Variants in FUBP1 observed in about 807,000 individuals in gnomAD.
FUBP1 encodes the protein far upstream element binding protein 1, also known as far upstream element-binding protein 1.
FUBP1 carries 16 observed loss-of-function variants against 94.9 expected under a neutral mutation model. The observed-to-expected ratio is 0.17, with a 90% CI of 0.11 to 0.26. The LOEUF (loss-of-function observed/expected upper bound fraction) is 0.26, where lower values mean the gene tolerates loss of function less well. Among genes scored for constraint, FUBP1 ranks in the 10% least tolerant of loss-of-function variants. The pLI, the probability that FUBP1 is intolerant of heterozygous loss-of-function variation, is 1.00. For synonymous variants in FUBP1, 279 were observed against 254.9 expected (o/e 1.09, Z -0.90); for missense variants, 583 against 808.6 (o/e 0.72, Z 3.38).
chr1:77,972,064 A>G (rs1018289229), intron 1 of FUBP1, among the ~76,000 whole-genome samples: 1 of 151,680 alleles, frequency 6.6e-6, no homozygotes, highest in African/African-American at 2.4e-5. Context: ...TTCTTTAACC[A>G]TCTTTCACTT....
intron 2 of FUBP1, among the ~76,000 whole-genome samples, chr1:77,968,490 C>T (rs926259053): frequency 5.3e-5 from 8 of 151,904 alleles, no homozygotes; most frequent in East Asian, 1.9e-4. Flanking sequence ...CACAAGACAA[C>T]GTACTTTAGG....
chr1:77,971,084 G>T (rs140772190), intron 1 of FUBP1, among the ~76,000 whole-genome samples: 71 of 151,634 alleles, frequency 4.7e-4, no homozygotes, highest in Middle Eastern at 3.4e-3. Flanking sequence ...CTGGCTTCAA[G>T]TCACAAGTAG....
In FUBP1 at chr1:77,947,779, T is replaced by TA; in HGVS notation, c.*986dup. On this transcript the variant is annotated 3_prime_UTR_variant, in exon 20 of 20. Coordinates refer to ENST00000370768, the MANE Select transcript of FUBP1 (RefSeq NM_003902.5). The stretch of plus-strand genomic sequence containing the variant: ...CAAAACAAAGCTTATCTATACTGCA[T>TA]AAAGAAAAAAAAAAAGCTTGAACGT... The TA allele has an allele frequency of 2.8e-6, 2 of 715,594 alleles. No homozygotes were observed. Among genetic ancestry groups the TA allele is most frequent in the South Asian group, 2.4e-5 (1 of 41,820 alleles). 44.3% of individuals were successfully genotyped at this position (715,594 alleles called of 1,614,324 possible). A position where few individuals can be genotyped will look rare whatever the true frequency, so the allele number is the denominator to read the frequency against.
At chr1:77,954,962 C>A (rs1420550367) in intron 18 of FUBP1, among the ~76,000 whole-genome samples, 1 of 152,094 alleles carries the variant, frequency 6.6e-6, no homozygotes, top group Admixed American at 6.6e-5. Context: ...TAAAATTTAA[C>A]CTTATGTCAT....
chr1:77,955,771 T>C (rs1026390326), intron 17 of FUBP1, among the ~76,000 whole-genome samples: 1 of 138,244 alleles, frequency 7.2e-6, no homozygotes, highest in Admixed American at 6.8e-5. Context: ...TATGTAAATA[T>C]ATTTCCTAGT....
chr1:77,947,878 C>T lies in FUBP1; in HGVS notation c.*888G>A, dbSNP rs577684808. The T allele has an allele frequency of 1.8e-6, 2 of 1,083,108 alleles. No homozygotes were observed. The highest frequency in any genetic ancestry group is 2.3e-6 in the Non-Finnish European group (2 of 878,898). 67.1% of individuals were successfully genotyped at this position (1,083,108 alleles called of 1,614,324 possible). On this transcript the variant is annotated 3_prime_UTR_variant, in exon 20 of 20. Coordinates refer to ENST00000370768, the MANE Select transcript of FUBP1 (RefSeq NM_003902.5). ...TTTTGCACACTATTCACTTTTCTATCCTAAATTTAGAAAGAAACACACTAA... is the reference window on the plus strand; with the variant it reads ...TTTTGCACACTATTCACTTTTCTATTCTAAATTTAGAAAGAAACACACTAA...
chr1:77,950,697 G>A (rs1382254965), intron 18 of FUBP1, among the ~76,000 whole-genome samples: 1 of 152,110 alleles, frequency 6.6e-6, no homozygotes, highest in Non-Finnish European at 1.5e-5. Context: ...TATTTCGTTT[G>A]TAACTCGCTT....
intron 13 of FUBP1, 123 bp from the exon 14 acceptor site, chr1:77,963,053 A>G: frequency 1.7e-6 from 1 of 576,120 alleles, no homozygotes; most frequent in Non-Finnish European, 3.1e-6. Context: ...CCTAATTGAC[A>G]ATATTGTATT....
In FUBP1 at chr1:77,978,980, G is replaced by A. The variant is rs1659318643; in HGVS notation, c.25C>T (p.Pro9Ser). 1 of 1,613,638 alleles carries A rather than the reference G, an allele frequency of 6.2e-7. No homozygotes were observed. The highest frequency in any genetic ancestry group is 8.5e-7 in the Non-Finnish European group (1 of 1,179,774). The stretch of plus-strand genomic sequence containing the variant: ...CCACCAGCTGAGCCAGAAGAGGGGG[G>A]AGGCACTGTTGAATAGTCTGCCATG... MADYSTVP[P>S]PSSGSAGGGG... The change falls in exon 1 of 20, where the codon CCC (proline) becomes TCC (serine). Residue 9 changes from proline (P) to serine (S), a missense_variant. Transcript: ENST00000370768.
chr1:77,949,441 A>C, intron 18 of FUBP1, 141 bp from the exon 19 acceptor site: 1 of 616,776 alleles, frequency 1.6e-6, no homozygotes, highest in Non-Finnish European at 2.8e-6. Flanking sequence ...TGACCAAAAA[A>C]AAAAACCCCT....
At chr1:77,973,509 G>T (rs1211670371) in intron 1 of FUBP1, among the ~76,000 whole-genome samples, 1 of 152,146 alleles carries the variant, frequency 6.6e-6, no homozygotes, top group East Asian at 1.9e-4. Flanking sequence ...GCCTCCCAAA[G>T]TGCTGGGATT....
At chr1:77,956,962 A>C (rs745430378) in intron 16 of FUBP1, among the ~76,000 whole-genome samples, 105 of 152,320 alleles carry the variant, frequency 6.9e-4, no homozygotes, top group Non-Finnish European at 1.2e-3. Flanking sequence ...GATATGAATA[A>C]AGGTCTTTTG....
chr1:77,955,408 G>T, intron 17 of FUBP1, 79 bp from the exon 18 acceptor site: 1 of 770,562 alleles, frequency 1.3e-6, no homozygotes, highest in Non-Finnish European at 2.3e-6. Flanking sequence ...GGGTGCAGGA[G>T]CTGGCAGGGG....
At chr1:77,949,407 G>T in intron 18 of FUBP1, 107 bp from the exon 19 acceptor site, 4 of 851,416 alleles carry the variant, frequency 4.7e-6, no homozygotes, top group Non-Finnish European at 7.1e-6. Context: ...CCAAGCCTTT[G>T]AATAATCTTG....
rs1325764216 is a variant in FUBP1, at chr1:77,965,224, T to C, written c.481A>G (p.Lys161Glu). 2 of 1,600,906 alleles carry C rather than the reference T, an allele frequency of 1.2e-6. No homozygotes were observed. Among genetic ancestry groups the C allele is most frequent in the Non-Finnish European group, 1.7e-6 (2 of 1,169,342 alleles). Residue 161 changes from lysine (K) to glutamate (E), a missense_variant, in exon 8 of 20, where the codon AAA (lysine) becomes GAA (glutamate). Physicochemically the swap from Lys to Glu is moderately conservative, Grantham distance 56. Coordinates refer to ENST00000370768, the MANE Select transcript of FUBP1 (RefSeq NM_003902.5). ...TCAACAATCTGGTCCAGTAACCGTT[T>C]TGCTGACCTGTTAACAAATTAATAT... ...TGTPESVQSA[K>E]RLLDQIVEKG... is the part of the protein sequence containing the mutation.
At chr1:77,978,034 G>A (rs992750754) in intron 1 of FUBP1, among the ~76,000 whole-genome samples, 4 of 152,176 alleles carry the variant, frequency 2.6e-5, no homozygotes, top group African/African-American at 7.2e-5. Context: ...CAGAGAATAG[G>A]ATTCTTTTGC....
In FUBP1 at chr1:77,948,284, T is replaced by G. The variant is rs948656355; in HGVS notation, c.*482A>C. On this transcript the variant is annotated 3_prime_UTR_variant, in exon 20 of 20. Coordinates refer to ENST00000370768, the MANE Select transcript of FUBP1 (RefSeq NM_003902.5). ...CTGCAAGGGGGGAAAAACATGCCAG[T>G]GTTTAAAAACTCAATATTTCATGGG... 5 of 1,054,292 alleles carry G rather than the reference T, an allele frequency of 4.7e-6. No homozygotes were observed. Among genetic ancestry groups the G allele is most frequent in the Non-Finnish European group, 5.7e-6 (5 of 870,924 alleles). 65.3% of individuals were successfully genotyped at this position (1,054,292 alleles called of 1,614,324 possible).
At chr1:77,961,339 G>C (rs1324341991) in intron 14 of FUBP1, among the ~76,000 whole-genome samples, 1 of 152,170 alleles carries the variant, frequency 6.6e-6, no homozygotes, top group African/African-American at 2.4e-5. Flanking sequence ...TAAACTTCAT[G>C]ACCTTTAAAG....
At chr1:77,972,312 C>G (rs781764800) in intron 1 of FUBP1, among the ~76,000 whole-genome samples, 1 of 152,134 alleles carries the variant, frequency 6.6e-6, no homozygotes, top group African/African-American at 2.4e-5. Flanking sequence ...CTATGAATAC[C>G]TTCTGCAGTT....
Sources: gnomAD v4.1 joint callset for allele counts (sites outside exome capture counted in the v4.1 genomes callset) on GRCh38, gnomAD v4.1.1 for gene constraint, MANE v1.5 for transcripts, NCBI Gene and HGNC (gene_info 2026-07-23, HGNC 2026-07-21) for gene names.